RBFOX1: variants seen among roughly 807,000 people sequenced by gnomAD.
RBFOX1 encodes the protein RNA binding protein fox-1 homolog 1.
A neutral mutation model predicts 57.7 loss-of-function variants in RBFOX1; 8 were observed. That is an observed-to-expected ratio of 0.14 (90% CI 0.08 to 0.25). RBFOX1 has a LOEUF of 0.25. RBFOX1 is among the 10% of genes least tolerant of loss of function. The pLI is 1.00. For synonymous variants in RBFOX1, 326 were observed against 222.4 expected (o/e 1.47, Z -4.15); for missense variants, 611 against 548.5 (o/e 1.11, Z -1.14).
intron 4 of RBFOX1, among the ~76,000 whole-genome samples, chr16:7,456,868 T>C (rs1025813836): frequency 7.2e-5 from 11 of 151,952 alleles, no homozygotes; most frequent in Non-Finnish European, 1.2e-4. Flanking sequence ...ATTTTGGGTA[T>C]TCTTCCACTC....
chr16:6,898,719 GTA>G (rs977644682), intron 3 of RBFOX1, among the ~76,000 whole-genome samples: 1 of 152,096 alleles, frequency 6.6e-6, no homozygotes, highest in African/African-American at 2.4e-5. Context: ...ATATATGTGT[GTA>G]TGTGTATGAT....
chr16:5,255,354 C>CCATCCATCCATCCATCCATCCA, intron 1 of RBFOX1, among the ~76,000 whole-genome samples: 1 of 86,256 alleles, frequency 1.2e-5, no homozygotes, highest in South Asian at 4.7e-4. Flanking sequence ...CCATCCATCC[C>CCATCCATCCATCCATCCATCCA]TCCATCCATC....
At chr16:7,103,010 C>T (rs1412628555) in intron 4 of RBFOX1, among the ~76,000 whole-genome samples, 1 of 151,634 alleles carries the variant, frequency 6.6e-6, no homozygotes, top group South Asian at 2.1e-4. Context: ...CACATTTAGA[C>T]ACACACACGT....
chr16:7,463,237 C>G (rs2059900779), intron 4 of RBFOX1, among the ~76,000 whole-genome samples: 2 of 152,170 alleles, frequency 1.3e-5, no homozygotes, highest in Non-Finnish European at 2.9e-5. Context: ...GGCATGCTGG[C>G]TCACCCCTGT....
At chr16:6,389,877 C>T (rs950311343) in intron 2 of RBFOX1, among the ~76,000 whole-genome samples, 1 of 152,156 alleles carries the variant, frequency 6.6e-6, no homozygotes, top group African/African-American at 2.4e-5. Flanking sequence ...GATTGTACCT[C>T]TTTGAGCTAC....
intron 3 of RBFOX1, among the ~76,000 whole-genome samples, chr16:5,845,088 C>A (rs1310039578): frequency 6.9e-6 from 1 of 144,068 alleles, no homozygotes. Context: ...TTCTGTAACA[C>A]GGAGGGTTTA....
intron 4 of RBFOX1, among the ~76,000 whole-genome samples, chr16:5,878,499 C>T (rs923260544): frequency 5.3e-5 from 8 of 152,128 alleles, no homozygotes; most frequent in Admixed American, 1.3e-4. Flanking sequence ...TCTGAACCAG[C>T]GGTCCAGCAA....
intron 1 of RBFOX1, among the ~76,000 whole-genome samples, chr16:6,081,435 T>C (rs2096000347): frequency 6.6e-6 from 1 of 152,182 alleles, no homozygotes; most frequent in African/African-American, 2.4e-5. Flanking sequence ...GAGACATTTT[T>C]ACACTAGGAT....
intron 4 of RBFOX1, among the ~76,000 whole-genome samples, chr16:7,303,249 G>T (rs535688647): frequency 6.6e-6 from 1 of 152,354 alleles, no homozygotes; most frequent in African/African-American, 2.4e-5. Context: ...ACGCCCGGGG[G>T]TGCATCGGCG....
At position 5,800,195 on chromosome 16, in the gene RBFOX1, G is replaced by T. The variant is rs1038047002; in HGVS notation, c.319-67108G>T. On this transcript the variant is annotated intron_variant, in intron 3 of 19. Transcript: ENST00000641259. Reference sequence around the variant, plus strand: ...AGGAAATATGCTAAGGGTAAGGGAAGGGGAAGTATACACCCAAGGGCCACA... The same window carrying T: ...AGGAAATATGCTAAGGGTAAGGGAATGGGAAGTATACACCCAAGGGCCACA... 3.9e-5 allele frequency among the ~76,000 whole-genome samples: 6 copies of T among 152,242 alleles called. No homozygotes were observed. The East Asian group carries it at 7.7e-4, about 20-fold the overall frequency.
At chr16:6,780,418 A>T (rs1264100038) in intron 3 of RBFOX1, among the ~76,000 whole-genome samples, 1 of 115,734 alleles carries the variant, frequency 8.6e-6, no homozygotes, top group Non-Finnish European at 1.6e-5. Context: ...ATTTATATAT[A>T]TTTATATATA....
At chr16:6,409,125 A>G (rs908387425) in intron 2 of RBFOX1, among the ~76,000 whole-genome samples, 1 of 152,212 alleles carries the variant, frequency 6.6e-6, no homozygotes, top group Non-Finnish European at 1.5e-5. Context: ...ATAACAAATA[A>G]AAGTTTACTG....
chr16:5,248,954 C>A (rs2062373940), intron 1 of RBFOX1, among the ~76,000 whole-genome samples: 1 of 135,038 alleles, frequency 7.4e-6, no homozygotes. Flanking sequence ...TGCCAGTGCA[C>A]TCCAGCCTGG....
At chr16:5,284,698 T>C (rs1361304160) in intron 1 of RBFOX1, among the ~76,000 whole-genome samples, 1 of 149,810 alleles carries the variant, frequency 6.7e-6, no homozygotes, top group East Asian at 2.0e-4. Context: ...TGAGCCACTG[T>C]GCCAGGCTCC....
At chr16:6,917,726 C>G (rs2073535004) in intron 3 of RBFOX1, among the ~76,000 whole-genome samples, 1 of 152,180 alleles carries the variant, frequency 6.6e-6, no homozygotes, top group Non-Finnish European at 1.5e-5. Flanking sequence ...CGATGGGAAC[C>G]TCGGCATTCC....
chr16:7,348,214 C>G (rs1367719920), intron 4 of RBFOX1, among the ~76,000 whole-genome samples: 1 of 152,100 alleles, frequency 6.6e-6, no homozygotes, highest in Admixed American at 6.5e-5. Flanking sequence ...ATACATAAAC[C>G]ACAATCCGCT....
At chr16:5,990,324 G>A (rs560582670) in intron 4 of RBFOX1, among the ~76,000 whole-genome samples, 3 of 152,108 alleles carry the variant, frequency 2.0e-5, no homozygotes, top group African/African-American at 4.8e-5. Flanking sequence ...TCCACTGGCC[G>A]TAATGGAAAG....
chr16:7,007,538 G>A (rs1294621431), intron 3 of RBFOX1, among the ~76,000 whole-genome samples: 1 of 152,126 alleles, frequency 6.6e-6, no homozygotes, highest in African/African-American at 2.4e-5. Context: ...GGGTATCTTG[G>A]GGAAGTGGGG....
intron 4 of RBFOX1, among the ~76,000 whole-genome samples, chr16:7,201,680 T>C (rs144254103): frequency 2.0e-5 from 3 of 152,168 alleles, no homozygotes; most frequent in African/African-American, 7.2e-5. Context: ...GCTAGGCTGG[T>C]CTTGAATCCA....
Sources: gnomAD v4.1 joint callset for allele counts (sites outside exome capture counted in the v4.1 genomes callset) on GRCh38, gnomAD v4.1.1 for gene constraint, MANE v1.5 for transcripts, NCBI Gene and HGNC (gene_info 2026-07-23, HGNC 2026-07-21) for gene names.